STAG1: variants seen among roughly 807,000 people sequenced by gnomAD.
STAG1 encodes cohesin subunit SA-1.
STAG1 carries 26 observed loss-of-function variants against 170.9 expected under a neutral mutation model. The ratio of observed to expected loss-of-function variants is 0.15; its 90% CI spans 0.11 to 0.21. STAG1 has a LOEUF of 0.21. Ranked by LOEUF, STAG1 falls within the 10% of genes least tolerant of loss-of-function variation. The pLI, the probability that STAG1 is intolerant of heterozygous loss-of-function variation, is 1.00. For missense variants in STAG1, 964 were observed against 1,509.5 expected (o/e 0.64, Z 5.99); for synonymous variants, 514 against 497.7 (o/e 1.03, Z -0.44).
intron 19 of STAG1, among the ~76,000 whole-genome samples, chr3:136,422,150 C>T (rs1469802380): frequency 7.4e-5 from 6 of 81,572 alleles, no homozygotes; most frequent in African/African-American, 1.8e-4. Flanking sequence ...CAAGACTCTG[C>T]CTCAAAAAAA....
chr3:136,610,492 G>A (rs1462099095), intron 3 of STAG1, among the ~76,000 whole-genome samples: 2 of 152,136 alleles, frequency 1.3e-5, no homozygotes, highest in East Asian at 3.9e-4. Context: ...GAATATTTGA[G>A]TATGTTGTGT....
At chr3:136,673,819 C>G (rs1468134143) in intron 1 of STAG1, among the ~76,000 whole-genome samples, 1 of 151,842 alleles carries the variant, frequency 6.6e-6, no homozygotes, top group Non-Finnish European at 1.5e-5. Context: ...TATAAAAATA[C>G]AGGCCAGGCG....
chr3:136,751,266 T>C (rs923679099), intron 1 of STAG1, among the ~76,000 whole-genome samples: 1 of 149,822 alleles, frequency 6.7e-6, no homozygotes, highest in Non-Finnish European at 1.5e-5. Flanking sequence ...GTGAAGAGAA[T>C]CGACAGATAA....
At chr3:136,738,486 A>G (rs555475861) in intron 1 of STAG1, among the ~76,000 whole-genome samples, 1 of 152,094 alleles carries the variant, frequency 6.6e-6, no homozygotes, top group Non-Finnish European at 1.5e-5. Flanking sequence ...GCAAGACTCC[A>G]TATCAAAAAT....
At chr3:136,593,771 G>A (rs1938298757) in intron 4 of STAG1, among the ~76,000 whole-genome samples, 1 of 152,112 alleles carries the variant, frequency 6.6e-6, no homozygotes, top group Non-Finnish European at 1.5e-5. Flanking sequence ...TTGCACTGTA[G>A]CAGTCACAGC....
chr3:136,528,493 C>CG (rs1170595333), intron 6 of STAG1, among the ~76,000 whole-genome samples: 1 of 23,090 alleles, frequency 4.3e-5, no homozygotes, highest in Non-Finnish European at 1.2e-4. Flanking sequence ...GATGTCCCCG[C>CG]ACCCCCCCCC....
At chr3:136,473,503 G>A in intron 11 of STAG1, 36 bp downstream of exon 11, 3 of 1,486,222 alleles carry the variant, frequency 2.0e-6, no homozygotes, top group Non-Finnish European at 2.8e-6. Context: ...TTTGTAAAGA[G>A]AAAAATTAAA....
At chr3:136,683,445 G>A (rs1942408840) in intron 1 of STAG1, among the ~76,000 whole-genome samples, 1 of 152,008 alleles carries the variant, frequency 6.6e-6, no homozygotes, top group East Asian at 1.9e-4. Context: ...TGTATGTTTT[G>A]TAGAGCTGGG....
At chr3:136,650,963 G>A (rs948985454) in intron 1 of STAG1, among the ~76,000 whole-genome samples, 5 of 151,668 alleles carry the variant, frequency 3.3e-5, no homozygotes, top group Non-Finnish European at 5.9e-5. Flanking sequence ...GGGGAGAAAA[G>A]CACTCCCCAC....
chr3:136,498,273 C>CACACACCA (rs1553733387), intron 9 of STAG1, among the ~76,000 whole-genome samples: 1 of 44,412 alleles, frequency 2.3e-5, no homozygotes, highest in Non-Finnish European at 4.6e-5. Context: ...CACACACACA[C>CACACACCA]CACACACACA....
chr3:136,545,817 T>G (rs938695543), intron 5 of STAG1, among the ~76,000 whole-genome samples: 1 of 152,182 alleles, frequency 6.6e-6, no homozygotes, highest in African/African-American at 2.4e-5. Context: ...ACATCTCCAA[T>G]GATGAGTCTG....
intron 5 of STAG1, among the ~76,000 whole-genome samples, chr3:136,554,086 T>A (rs1435001770): frequency 6.6e-6 from 1 of 152,118 alleles, no homozygotes; most frequent in Non-Finnish European, 1.5e-5. Context: ...GTAGGTTTCA[T>A]TAATATTCAA....
intron 1 of STAG1, among the ~76,000 whole-genome samples, chr3:136,632,598 C>A (rs962619572): frequency 6.6e-6 from 1 of 151,914 alleles, no homozygotes; most frequent in Non-Finnish European, 1.5e-5. Flanking sequence ...GCATACAAGA[C>A]AAGCAGCAAT....
intron 1 of STAG1, among the ~76,000 whole-genome samples, chr3:136,634,743 T>C (rs181188185): frequency 9.2e-5 from 14 of 151,680 alleles, no homozygotes; most frequent in Admixed American, 8.5e-4. Context: ...ATATTGAGAT[T>C]AGAAAAACAA....
In STAG1 at chr3:136,492,909, A is replaced by AT. The variant is rs200326872; in HGVS notation, c.902+7313dup. 6.5e-3 allele frequency among the ~76,000 whole-genome samples: 983 copies of AT among 152,332 alleles called. 12 individuals are homozygous for AT. Among genetic ancestry groups the AT allele is most frequent in the African/African-American group, 0.022 (935 of 41,560 alleles). On this transcript the variant is annotated intron_variant, in intron 9 of 33. Coordinates refer to ENST00000383202, the MANE Select transcript of STAG1 (RefSeq NM_005862.3). ...TGGGTTAGTAACTAATGTAGACAAAATATATATGACAATAATAGCACAAAG... is the reference window on the plus strand; with the variant it reads ...TGGGTTAGTAACTAATGTAGACAAAATTATATATGACAATAATAGCACAAAG...
intron 1 of STAG1, among the ~76,000 whole-genome samples, chr3:136,718,224 G>A (rs1348288515): frequency 1.3e-5 from 2 of 152,102 alleles, no homozygotes; most frequent in South Asian, 4.1e-4. Context: ...TTATCTTTAC[G>A]ATATTGGGGA....
intron 4 of STAG1, among the ~76,000 whole-genome samples, chr3:136,580,991 C>T (rs2107778819): frequency 6.6e-6 from 1 of 151,738 alleles, no homozygotes; most frequent in African/African-American, 2.4e-5. Context: ...CTGTCAGTCA[C>T]AATTATAAGA....
intron 22 of STAG1, among the ~76,000 whole-genome samples, chr3:136,379,173 A>ACTT (rs112598372): frequency 1.2e-3 from 178 of 152,162 alleles, no homozygotes; most frequent in African/African-American, 2.5e-3. Flanking sequence ...CATTCCTGAA[A>ACTT]CTTTAATTTT....
chr3:136,515,992 G>T lies in STAG1; in HGVS notation c.676+5221C>A, dbSNP rs562014087. ...AAGTAAAAGTACAAAGCAATGAAAA[G>T]GTCAAACTCTAGAAGAATTTTGAAA... is the stretch of plus-strand genomic sequence containing the variant. On this transcript the variant is annotated intron_variant, in intron 7 of 33. Transcript: ENST00000383202. Among the ~76,000 whole-genome samples the T allele has an allele frequency of 3.9e-5, 6 of 151,932 alleles. No homozygotes were observed. The South Asian group carries it at 6.2e-4, about 16-fold the overall frequency.
Sources: allele counts gnomAD v4.1 joint callset (sites outside exome capture counted in the v4.1 genomes callset), GRCh38; gene constraint gnomAD v4.1.1; transcripts MANE v1.5; gene names NCBI Gene and HGNC (gene_info 2026-07-23, HGNC 2026-07-21).